SCFD2: variants seen among roughly 807,000 people sequenced by gnomAD.
The protein encoded by SCFD2 is sec1 family domain containing 2, also known as sec1 family domain-containing protein 2.
SCFD2 carries 54 observed loss-of-function variants against 58.9 expected under a neutral mutation model. The observed-to-expected ratio is 0.92, with a 90% confidence interval of 0.74 to 1.15. The LOEUF is 1.15. Ranked by LOEUF, SCFD2 falls within the 50% of genes most tolerant of loss-of-function variation. SCFD2 has a pLI of 0.00. For missense variants in SCFD2, 805 were observed against 836.6 expected (o/e 0.96, Z 0.47); for synonymous variants, 321 against 335.9 (o/e 0.96, Z 0.49).
At chr4:53,109,640 T>C (rs898383647) in intron 5 of SCFD2, among the ~76,000 whole-genome samples, 2 of 151,970 alleles carry the variant, frequency 1.3e-5, no homozygotes, top group Non-Finnish European at 2.9e-5. Context: ...GAGTATAAAA[T>C]ACCTAGGAAT....
At chr4:53,330,373 C>A (rs1201920289) in intron 2 of SCFD2, among the ~76,000 whole-genome samples, 2 of 151,982 alleles carry the variant, frequency 1.3e-5, no homozygotes, top group Admixed American at 6.6e-5. Flanking sequence ...CAAAGGGAAG[C>A]CCATCAGACT....
At chr4:53,202,634 G>A (rs1005224075) in intron 4 of SCFD2, among the ~76,000 whole-genome samples, 9 of 152,132 alleles carry the variant, frequency 5.9e-5, no homozygotes, top group African/African-American at 9.7e-5. Context: ...CCATTTTCAC[G>A]ATATTGATTC....
chr4:52,898,698 TG>T (rs1201577432), intron 7 of SCFD2, among the ~76,000 whole-genome samples: 12 of 152,318 alleles, frequency 7.9e-5, no homozygotes, highest in African/African-American at 2.2e-4. Context: ...GTTCAATTCC[TG>T]GATATCCTTG....
intron 4 of SCFD2, among the ~76,000 whole-genome samples, chr4:53,215,913 T>A (rs1728811559): frequency 6.6e-6 from 1 of 152,212 alleles, no homozygotes; most frequent in Non-Finnish European, 1.5e-5. Flanking sequence ...CATGTGGTTT[T>A]TGTCTTTGGT....
At chr4:52,900,699 T>C (rs112477906) in intron 7 of SCFD2, among the ~76,000 whole-genome samples, 1,918 of 152,196 alleles carry the variant, frequency 0.013, 45 homozygotes, top group African/African-American at 0.044. Flanking sequence ...ACTGCAGAGG[T>C]TATTGCTGTC....
At chr4:53,050,249 TG>T (rs1280950578) in intron 5 of SCFD2, among the ~76,000 whole-genome samples, 5 of 152,152 alleles carry the variant, frequency 3.3e-5, no homozygotes, top group African/African-American at 1.2e-4. Flanking sequence ...CCCCCAATAA[TG>T]GTGGACAAAT....
intron 5 of SCFD2, among the ~76,000 whole-genome samples, chr4:53,079,285 G>C (rs1051446881): frequency 2.0e-5 from 3 of 152,174 alleles, no homozygotes; most frequent in Admixed American, 6.5e-5. Flanking sequence ...CAGTTATTCT[G>C]TTCTACTCAG....
At chr4:52,943,218 C>A (rs952646820) in intron 5 of SCFD2, among the ~76,000 whole-genome samples, 2 of 144,594 alleles carry the variant, frequency 1.4e-5, no homozygotes, top group Non-Finnish European at 3.0e-5. Flanking sequence ...GTAACTCATG[C>A]CTTAAACAAA....
chr4:53,006,254 A>G (rs1222536876), intron 5 of SCFD2, among the ~76,000 whole-genome samples: 2 of 152,058 alleles, frequency 1.3e-5, no homozygotes, highest in Admixed American at 6.5e-5. Context: ...TCACCAGCAA[A>G]AGCCTCTATG....
intron 5 of SCFD2, among the ~76,000 whole-genome samples, chr4:53,014,907 ACGCATTAAC>A (rs1722175437): frequency 6.6e-6 from 1 of 152,208 alleles, no homozygotes; most frequent in Non-Finnish European, 1.5e-5. Context: ...TTTGTGAAAA[ACGCATTAAC>A]TCAGCATTCC....
At chr4:53,003,796 G>C (rs904219258) in intron 5 of SCFD2, among the ~76,000 whole-genome samples, 87 of 152,328 alleles carry the variant, frequency 5.7e-4, no homozygotes, top group African/African-American at 2.1e-3. Context: ...AAGGAGGACA[G>C]TAGAAAAGGA....
rs757733218 is a variant in SCFD2, at chr4:52,873,920, T to C, written c.*49A>G. The C allele has an allele frequency of 7.2e-6, 10 of 1,386,122 alleles. No individual in the cohort carries two copies. Among genetic ancestry groups the C allele is most frequent in the Non-Finnish European group, 1.0e-5 (10 of 973,422 alleles). 85.9% of individuals were successfully genotyped at this position (1,386,122 alleles called of 1,614,324 possible). A position where few individuals can be genotyped will look rare whatever the true frequency, so the allele number is the denominator to read the frequency against. ...GAGTATTTGGAGTGGTGGCAGAAAATTGCATCGGCATTTCCAGCTTGAGTA... is the reference window on the plus strand; with the variant it reads ...GAGTATTTGGAGTGGTGGCAGAAAACTGCATCGGCATTTCCAGCTTGAGTA... On this transcript the variant is annotated 3_prime_UTR_variant, in exon 9 of 9. Coordinates refer to ENST00000401642, the MANE Select transcript of SCFD2 (RefSeq NM_152540.4).
At chr4:53,339,968 A>G (rs1389463085) in intron 2 of SCFD2, among the ~76,000 whole-genome samples, 4 of 152,188 alleles carry the variant, frequency 2.6e-5, no homozygotes, top group Non-Finnish European at 4.4e-5. Flanking sequence ...TAACAAGCAA[A>G]AACAAACTGG....
At position 53,352,640 on chromosome 4, in the gene SCFD2, T is replaced by G. The variant is rs747897200; in HGVS notation, c.965A>C (p.Glu322Ala). Residue 322 changes from glutamate to alanine, a missense_variant, in exon 2 of 9, where the codon GAA (glutamate) becomes GCA (alanine). Physicochemically the swap from Glu to Ala is moderately radical, Grantham distance 107. Around this residue, in one of 3 missense-constraint regions of SCFD2, gnomAD observed 633 missense variants for 646.8 expected, o/e 0.98. Coordinates refer to ENST00000401642, the MANE Select transcript of SCFD2 (RefSeq NM_152540.4). ...IALTALHTEE[E>A]NYNVVAPGCL... ...GCCTGGTGCAACCACATTATAATTT[T>G]CCTCCTCAGTATGGAGTGCAGTGAG... The G allele has an allele frequency of 6.2e-7, 1 of 1,613,924 alleles. No homozygotes were observed. The highest frequency in any genetic ancestry group is 1.1e-5 in the South Asian group (1 of 91,050).
chr4:53,206,938 A>G (rs1195380136), intron 4 of SCFD2, among the ~76,000 whole-genome samples: 1 of 152,050 alleles, frequency 6.6e-6, no homozygotes. Flanking sequence ...AAAGACATGA[A>G]GTTTATTTAG....
At chr4:53,257,257 C>A (rs1730672835) in intron 4 of SCFD2, among the ~76,000 whole-genome samples, 1 of 152,174 alleles carries the variant, frequency 6.6e-6, no homozygotes, top group South Asian at 2.1e-4. Context: ...CACAGGCAAG[C>A]TATGAGCAGG....
intron 5 of SCFD2, among the ~76,000 whole-genome samples, chr4:52,998,298 T>C (rs1310382427): frequency 6.6e-6 from 1 of 152,200 alleles, no homozygotes. Context: ...CAGACAGACA[T>C]AGCCACTGAC....
At chr4:53,287,093 A>T (rs1401100472) in intron 3 of SCFD2, among the ~76,000 whole-genome samples, 6 of 152,064 alleles carry the variant, frequency 3.9e-5, no homozygotes, top group Admixed American at 3.9e-4. Flanking sequence ...CACAGACATA[A>T]ACCTGTCCCC....
intron 2 of SCFD2, among the ~76,000 whole-genome samples, chr4:53,319,177 T>A (rs1311468004): frequency 2.6e-5 from 4 of 152,204 alleles, no homozygotes; most frequent in African/African-American, 9.6e-5. Flanking sequence ...CAGGATGGAA[T>A]GGAGTGAAGA....
Sources: allele counts gnomAD v4.1 joint callset (sites outside exome capture counted in the v4.1 genomes callset), GRCh38; gene constraint gnomAD v4.1.1; regional missense constraint gnomAD v4.1.1; transcripts MANE v1.5; gene names NCBI Gene and HGNC (gene_info 2026-07-23, HGNC 2026-07-21).